TMEM163: variants seen among roughly 807,000 people sequenced by gnomAD.
The protein encoded by TMEM163 is transmembrane protein 163.
In TMEM163, 17 loss-of-function variants were observed where a neutral mutation model predicts 29.3. That is an observed-to-expected ratio of 0.58 (90% CI 0.40 to 0.87). The LOEUF is 0.87. Among genes scored for constraint, TMEM163 ranks in the 40% least tolerant of loss-of-function variants. TMEM163 has a pLI of 0.00. For synonymous variants in TMEM163, 157 were observed against 160.6 expected, an observed-to-expected ratio of 0.98 and a Z score of 0.17; for missense variants, 303 against 381.5, an observed-to-expected ratio of 0.79 and a Z score of 1.71.
chr2:134,543,237 G>A (rs1468334512), intron 4 of TMEM163, among the ~76,000 whole-genome samples: 6 of 152,164 alleles, frequency 3.9e-5, no homozygotes, highest in Non-Finnish European at 7.3e-5. Flanking sequence ...CAGGACAGTG[G>A]AGGGCCACTC....
chr2:134,528,229 G>T (rs1421464112), intron 4 of TMEM163, among the ~76,000 whole-genome samples: 1 of 152,216 alleles, frequency 6.6e-6, no homozygotes, highest in Non-Finnish European at 1.5e-5. Context: ...AATGGGTCTT[G>T]GTGTTTGTAA....
chr2:134,617,955 T>A (rs1309096285), intron 2 of TMEM163, among the ~76,000 whole-genome samples: 4 of 151,784 alleles, frequency 2.6e-5, no homozygotes, highest in Non-Finnish European at 5.9e-5. Flanking sequence ...TACCAAAAAA[T>A]TTTTTTTCAT....
In TMEM163 at chr2:134,639,337, G is replaced by A. The variant is rs140477940; in HGVS notation, c.322+73863C>T. Among the ~76,000 whole-genome samples the A allele has an allele frequency of 2.8e-3, 427 of 152,314 alleles. 4 individuals carry two copies. Among genetic ancestry groups the A allele is most frequent in the African/African-American group, 9.4e-3 (392 of 41,572 alleles). On this transcript the variant is annotated intron_variant, in intron 2 of 7. Transcript: ENST00000281924. The stretch of plus-strand genomic sequence containing the variant: ...AGACAAAGCAGATAACTGATATATA[G>A]CAAAATCTCAGGACAACTGGTCCCA...
In TMEM163 at chr2:134,718,949, G is replaced by A; in HGVS notation, c.-14C>T. On this transcript the variant is annotated 5_prime_UTR_variant, in exon 1 of 8. Coordinates refer to ENST00000281924, the MANE Select transcript of TMEM163 (RefSeq NM_030923.5). ...GGCCGGCTCCATGGCGCGGGGCTGCGGATCCCGGCGGCGGCGACGACAAGC... is the reference window on the plus strand; with the variant it reads ...GGCCGGCTCCATGGCGCGGGGCTGCAGATCCCGGCGGCGGCGACGACAAGC... 1 of 1,037,434 alleles carries A rather than the reference G, an allele frequency of 9.6e-7. No homozygotes were observed. The highest frequency in any genetic ancestry group is 8.5e-5 in the East Asian group (1 of 11,804). 64.3% of individuals were successfully genotyped at this position (1,037,434 alleles called of 1,614,324 possible).
intron 2 of TMEM163, among the ~76,000 whole-genome samples, chr2:134,580,010 C>A (rs1279629010): frequency 6.6e-6 from 1 of 152,054 alleles, no homozygotes; most frequent in African/African-American, 2.4e-5. Flanking sequence ...TACCAAAGCT[C>A]AATTATCAAA....
chr2:134,657,528 C>T (rs1400587329), intron 2 of TMEM163, among the ~76,000 whole-genome samples: 4 of 147,998 alleles, frequency 2.7e-5, no homozygotes, highest in Non-Finnish European at 5.9e-5. Flanking sequence ...ACAGGCTGGG[C>T]ATGGTGGCGC....
intron 2 of TMEM163, among the ~76,000 whole-genome samples, chr2:134,659,063 G>A (rs1345887063): frequency 1.3e-5 from 2 of 152,206 alleles, no homozygotes; most frequent in Non-Finnish European, 2.9e-5. Flanking sequence ...ATAGCGTACT[G>A]CATACCTAGA....
intron 5 of TMEM163, among the ~76,000 whole-genome samples, chr2:134,487,220 C>G (rs1679336537): frequency 6.6e-6 from 1 of 152,122 alleles, no homozygotes; most frequent in Non-Finnish European, 1.5e-5. Flanking sequence ...CAAAATAATC[C>G]ATTGATAAAA....
At chr2:134,661,504 C>T (rs1408006335) in intron 2 of TMEM163, among the ~76,000 whole-genome samples, 4 of 152,208 alleles carry the variant, frequency 2.6e-5, no homozygotes, top group South Asian at 2.1e-4. Context: ...AGCACCATTA[C>T]GAAGTGTTTC....
intron 2 of TMEM163, among the ~76,000 whole-genome samples, chr2:134,683,694 A>C (rs1313158246): frequency 2.0e-5 from 3 of 152,222 alleles, no homozygotes; most frequent in Non-Finnish European, 4.4e-5. Flanking sequence ...ACCCTGGCTC[A>C]ATAGCAGGTG....
chr2:134,699,671 AT>A (rs964309704), intron 2 of TMEM163, among the ~76,000 whole-genome samples: 8 of 152,088 alleles, frequency 5.3e-5, no homozygotes, highest in African/African-American at 9.6e-5. Flanking sequence ...ATTTTCATGA[AT>A]TTTTTTTCTT....
intron 4 of TMEM163, among the ~76,000 whole-genome samples, chr2:134,509,372 G>C (rs972210500): frequency 6.6e-6 from 1 of 152,174 alleles, no homozygotes; most frequent in African/African-American, 2.4e-5. Context: ...CCTCAAGATG[G>C]GGTCAATTTA....
At chr2:134,549,210 G>A (rs1680855636) in intron 4 of TMEM163, among the ~76,000 whole-genome samples, 1 of 151,830 alleles carries the variant, frequency 6.6e-6, no homozygotes, top group African/African-American at 2.4e-5. Context: ...GCTCTCATTA[G>A]TGAGTCAGTT....
chr2:134,595,304 C>T (rs1682048161), intron 2 of TMEM163, among the ~76,000 whole-genome samples: 1 of 152,000 alleles, frequency 6.6e-6, no homozygotes, highest in African/African-American at 2.4e-5. Flanking sequence ...GTGATGTTCC[C>T]CTTCCTGTGT....
At chr2:134,688,050 C>G (rs1407388069) in intron 2 of TMEM163, among the ~76,000 whole-genome samples, 1 of 152,112 alleles carries the variant, frequency 6.6e-6, no homozygotes, top group Non-Finnish European at 1.5e-5. Context: ...AATAACAAAG[C>G]CACTACCGGC....
chr2:134,587,289 G>A (rs1340103603), intron 2 of TMEM163, among the ~76,000 whole-genome samples: 3 of 152,180 alleles, frequency 2.0e-5, no homozygotes, highest in African/African-American at 7.2e-5. Flanking sequence ...GCACATGCCT[G>A]TAATCCTGGC....
intron 4 of TMEM163, among the ~76,000 whole-genome samples, chr2:134,519,819 G>A (rs1329315938): frequency 6.6e-6 from 1 of 151,478 alleles, no homozygotes; most frequent in East Asian, 1.9e-4. Flanking sequence ...GAACCTGGGA[G>A]GTGGAGGCAG....
At chr2:134,536,113 T>C (rs888005116) in intron 4 of TMEM163, among the ~76,000 whole-genome samples, 2 of 152,236 alleles carry the variant, frequency 1.3e-5, no homozygotes, top group South Asian at 2.1e-4. Flanking sequence ...CACAGCAATG[T>C]CTTTTAATCC....
intron 2 of TMEM163, among the ~76,000 whole-genome samples, chr2:134,631,979 C>T (rs946778193): frequency 6.6e-6 from 1 of 152,180 alleles, no homozygotes; most frequent in African/African-American, 2.4e-5. Context: ...GTTCATCAGT[C>T]ACCACGGTAC....
Sources: gnomAD v4.1 joint callset for allele counts (sites outside exome capture counted in the v4.1 genomes callset) on GRCh38, gnomAD v4.1.1 for gene constraint, MANE v1.5 for transcripts, NCBI Gene and HGNC (gene_info 2026-07-23, HGNC 2026-07-21) for gene names.